Variants in CCL17 observed in about 807,000 individuals in gnomAD.
CCL17 encodes the protein C-C motif chemokine ligand 17, also known as C-C motif chemokine 17.
A neutral mutation model predicts 7.4 loss-of-function variants in CCL17; 8 were observed. The observed-to-expected ratio is 1.09, with a 90% CI of 0.64 to 1.96. The LOEUF (loss-of-function observed/expected upper bound fraction) is 1.96. Ranked by LOEUF, CCL17 falls within the 30% of genes most tolerant of loss-of-function variation. CCL17 has a pLI of 0.00. For synonymous variants in CCL17, 40 were observed against 46.1 expected, an observed-to-expected ratio of 0.87 and a Z score of 0.54; for missense variants, 102 against 113.0, an observed-to-expected ratio of 0.90 and a Z score of 0.44.
At chr16:57,401,871 C>T (rs141159185), upstream of CCL17, among the ~76,000 whole-genome samples, 2 of 152,166 alleles carry the variant, frequency 1.3e-5, no homozygotes, top group Admixed American at 6.5e-5. Flanking sequence ...TGAGGTCACA[C>T]CCTTGCTGGG....
upstream of CCL17, among the ~76,000 whole-genome samples, chr16:57,401,043 C>G (rs1310739865): frequency 6.6e-6 from 1 of 150,754 alleles, no homozygotes; most frequent in Non-Finnish European, 1.5e-5. Flanking sequence ...CTCCAGACAC[C>G]CTTCTTCTTC....
chr16:57,403,953 G>A (rs994851353), upstream of CCL17, among the ~76,000 whole-genome samples: 92 of 151,840 alleles, frequency 6.1e-4, no homozygotes, highest in African/African-American at 2.1e-3. Context: ...CACCACGCCC[G>A]GCCTAAAAAA....
At chr16:57,409,521 T>C (rs1180362641) in intron 1 of CCL17, among the ~76,000 whole-genome samples, 1 of 152,062 alleles carries the variant, frequency 6.6e-6, no homozygotes, top group Non-Finnish European at 1.5e-5. Context: ...TGGAGATCAA[T>C]GGGCTTTTGA....
intron 1 of CCL17, among the ~76,000 whole-genome samples, chr16:57,407,301 A>G (rs1902710589): frequency 6.6e-6 from 1 of 152,200 alleles, no homozygotes; most frequent in Non-Finnish European, 1.5e-5. Context: ...TTGAAGCAAT[A>G]TAGGTTTGGC....
upstream of CCL17, among the ~76,000 whole-genome samples, chr16:57,402,896 C>A: frequency 6.6e-6 from 1 of 150,822 alleles, no homozygotes; most frequent in East Asian, 1.9e-4. Context: ...GAAACAGAAA[C>A]CTCTGTCCCA....
chr16:57,401,481 A>T (rs1431963138), upstream of CCL17, among the ~76,000 whole-genome samples: 1 of 151,476 alleles, frequency 6.6e-6, no homozygotes, highest in Admixed American at 6.6e-5. Flanking sequence ...ACAAGATCAC[A>T]CCACTGCAGT....
Position 57,415,769 on chromosome 16 carries a change from G to T in CCL17, c.193G>T (p.Val65Leu), listed in dbSNP as rs1474830676. ...EDCSRDAIVFVTVQGRAICSD... is the reference protein window; with the variant it reads ...EDCSRDAIVFLTVQGRAICSD... ...TAACGTCCTCCTTCTGTGTAGTTTT[G>T]TAACTGTGCAGGGCAGGGCCATCTG... The change falls in exon 4 of 4, where the codon GTA becomes TTA. Residue 65 changes from valine to leucine, a missense_variant. Val to Leu is a conservative substitution (Grantham distance 32). Transcript: ENST00000219244. This position sits in a 1 kb window ranked among gnomAD's most constrained non-coding sequence, Gnocchi z 4.5. 1.2e-6 allele frequency: 2 copies of T among 1,608,664 alleles called. No individual in the cohort carries two copies. Among genetic ancestry groups the T allele is most frequent in the East Asian group, 2.2e-5 (1 of 44,868 alleles).
upstream of CCL17, among the ~76,000 whole-genome samples, chr16:57,401,142 T>C (rs1902585826): frequency 6.6e-6 from 1 of 152,134 alleles, no homozygotes; most frequent in Non-Finnish European, 1.5e-5. Context: ...ATTTGGCATA[T>C]ATCAACACAA....
chr16:57,414,279 G>A (rs1902831743), intron 2 of CCL17, among the ~76,000 whole-genome samples: 1 of 151,942 alleles, frequency 6.6e-6, no homozygotes, highest in Non-Finnish European at 1.5e-5. Flanking sequence ...TGTGGCTGTA[G>A]TTGTGCAATG....
chr16:57,414,974 C>A, intron 2 of CCL17, 107 bp from the exon 3 acceptor site: 1 of 746,206 alleles, frequency 1.3e-6, no homozygotes, highest in Non-Finnish European at 2.5e-6. Context: ...CACACAGATG[C>A]ACACATGGAC....
chr16:57,414,274 C>T (rs1008709680), intron 2 of CCL17, among the ~76,000 whole-genome samples: 2 of 151,816 alleles, frequency 1.3e-5, no homozygotes, highest in East Asian at 3.9e-4. Flanking sequence ...GGGGCTGTGG[C>T]TGTAGTTGTG....
chr16:57,407,023 A>G (rs1902706397), intron 1 of CCL17, among the ~76,000 whole-genome samples: 1 of 152,144 alleles, frequency 6.6e-6, no homozygotes, highest in South Asian at 2.1e-4. Context: ...TAATTAAATC[A>G]CAAGTGGGCA....
At chr16:57,396,123 T>C in the CCL17 span, among the ~76,000 whole-genome samples, 2 of 152,218 alleles carry the variant, frequency 1.3e-5, no homozygotes, top group Non-Finnish European at 2.9e-5. Flanking sequence ...TTCTGGTTCC[T>C]GTAACAGTGG....
chr16:57,413,806 T>A, intron 1 of CCL17, 68 bp from the exon 2 acceptor site: 1 of 652,274 alleles, frequency 1.5e-6, no homozygotes, highest in Non-Finnish European at 2.6e-6. Flanking sequence ...TGTGAGGAGG[T>A]GACAGAGGGG....
Position 57,415,206 on chromosome 16 carries a change from C to T in CCL17, c.188+8C>T, listed in dbSNP as rs1221806621. On this transcript the variant is annotated splice_region_variant and intron_variant, in intron 3 of 3. Coordinates refer to ENST00000219244, the MANE Select transcript of CCL17 (RefSeq NM_002987.3). This position sits in a 1 kb window ranked among gnomAD's most constrained non-coding sequence, Gnocchi z 4.5. Reference sequence around the variant, plus strand: ...CTCCAGGGATGCCATCGTGTAAGTCCCCCTGGCTCCACCCCTGCTCCTCAG... The same window carrying T: ...CTCCAGGGATGCCATCGTGTAAGTCTCCCTGGCTCCACCCCTGCTCCTCAG... The T allele has an allele frequency of 1.3e-6, 2 of 1,556,640 alleles. No homozygotes were observed. Among genetic ancestry groups the T allele is most frequent in the Middle Eastern group, 1.7e-4 (1 of 5,948 alleles).
At chr16:57,406,573 G>T (rs567747456) in intron 1 of CCL17, among the ~76,000 whole-genome samples, 2 of 152,198 alleles carry the variant, frequency 1.3e-5, no homozygotes, top group East Asian at 3.9e-4. Context: ...TGAGAGCTCA[G>T]GGACATTTCT....
chr16:57,415,801 C>T lies in CCL17; in HGVS notation c.225C>T (p.Asp75=). ...VTVQGRAICS[D]PNNKRVKNAV... is the part of the protein sequence containing the mutation. Reference sequence around the variant, plus strand: ...TGCAGGGCAGGGCCATCTGTTCGGACCCCAACAACAAGAGAGTGAAGAATG... The same window carrying T: ...TGCAGGGCAGGGCCATCTGTTCGGATCCCAACAACAAGAGAGTGAAGAATG... The change falls in exon 4 of 4, where the codon GAC becomes GAT. Residue 75 remains aspartate (D), a synonymous_variant. Transcript: ENST00000219244. This position sits in a 1 kb window ranked among gnomAD's most constrained non-coding sequence, Gnocchi z 4.5. The T allele has an allele frequency of 6.2e-7, 1 of 1,613,540 alleles. No individual in the cohort carries two copies. The highest frequency in any genetic ancestry group is 8.5e-7 in the Non-Finnish European group (1 of 1,179,414).
At chr16:57,414,029 G>A (rs1369316246) in intron 2 of CCL17, 27 bp downstream of exon 2, 1 of 1,597,132 alleles carries the variant, frequency 6.3e-7, no homozygotes, top group Non-Finnish European at 8.5e-7. Flanking sequence ...GGTGGCCAGG[G>A]GCAGGCACCG....
At chr16:57,408,321 C>A (rs1352897074) in intron 1 of CCL17, among the ~76,000 whole-genome samples, 1 of 152,186 alleles carries the variant, frequency 6.6e-6, no homozygotes, top group African/African-American at 2.4e-5. Context: ...ATCCTCCATC[C>A]ATCCATTCAC....
Sources: allele counts gnomAD v4.1 joint callset (sites outside exome capture counted in the v4.1 genomes callset), GRCh38; gene constraint gnomAD v4.1.1; non-coding constraint Gnocchi (gnomAD v3.1); transcripts MANE v1.5; gene names NCBI Gene and HGNC (gene_info 2026-07-23, HGNC 2026-07-21).